The following PDE1C variants were observed in gnomAD, a reference collection of about 807,000 sequenced individuals.
PDE1C encodes phosphodiesterase 1C.
Under a neutral mutation model 93.1 loss-of-function variants are expected in PDE1C, and 62 were observed. The ratio of observed to expected loss-of-function variants is 0.67; its 90% CI spans 0.54 to 0.82. The LOEUF (loss-of-function observed/expected upper bound fraction) is 0.82, where lower values mean the gene tolerates loss of function less well. Among genes scored for constraint, PDE1C ranks in the 40% least tolerant of loss-of-function variants. PDE1C has a pLI of 0.00. For missense variants in PDE1C, 742 were observed against 884.6 expected, an observed-to-expected ratio of 0.84 and a Z score of 2.04; for synonymous variants, 325 against 310.1, an observed-to-expected ratio of 1.05 and a Z score of -0.50.
chr7:31,856,436 T>C (rs979324329), intron 7 of PDE1C, among the ~76,000 whole-genome samples: 3 of 152,202 alleles, frequency 2.0e-5, no homozygotes, highest in African/African-American at 7.2e-5. Context: ...ATGCAGTAAA[T>C]CATGATCACT....
At chr7:31,738,398 G>A in the PDE1C span, among the ~76,000 whole-genome samples, 1 of 152,196 alleles carries the variant, frequency 6.6e-6, no homozygotes, top group Non-Finnish European at 1.5e-5. Flanking sequence ...CGCTTGCGCA[G>A]GGGAACTACC....
At chr7:32,323,752 A>C (rs745755558) in intron 1 of PDE1C, among the ~76,000 whole-genome samples, 2 of 152,204 alleles carry the variant, frequency 1.3e-5, no homozygotes, top group African/African-American at 2.4e-5. Context: ...ACAATGCCCA[A>C]TTAGGACCTG....
chr7:32,210,334 G>GT (rs1421590588), intron 1 of PDE1C, among the ~76,000 whole-genome samples: 2 of 152,122 alleles, frequency 1.3e-5, no homozygotes, highest in East Asian at 3.9e-4. Flanking sequence ...ACAGACATGG[G>GT]TATTTGTGAT....
the PDE1C span, chr7:31,642,972 A>G: frequency 2.5e-6 from 4 of 1,614,058 alleles, no homozygotes; most frequent in Non-Finnish European, 2.5e-6. Flanking sequence ...GAGAATGCCC[A>G]AGGAAAGACA....
intron 16 of PDE1C, among the ~76,000 whole-genome samples, chr7:31,799,021 T>A (rs1785661111): frequency 6.6e-6 from 1 of 151,662 alleles, no homozygotes; most frequent in Non-Finnish European, 1.5e-5. Context: ...AACGTGAGTA[T>A]GATTCCTTGA....
At chr7:31,664,096 C>T in the PDE1C span, among the ~76,000 whole-genome samples, 1 of 152,124 alleles carries the variant, frequency 6.6e-6, no homozygotes. Flanking sequence ...GGTATGATCC[C>T]AGGTTTGTCT....
intron 1 of PDE1C, among the ~76,000 whole-genome samples, chr7:32,362,279 G>C (rs962202781): frequency 1.3e-5 from 2 of 152,092 alleles, no homozygotes; most frequent in Non-Finnish European, 2.9e-5. Context: ...GTATATAAGA[G>C]ACATGGGGGG....
intron 2 of PDE1C, among the ~76,000 whole-genome samples, chr7:31,923,451 A>C (rs1404136459): frequency 6.6e-6 from 1 of 152,200 alleles, no homozygotes; most frequent in Non-Finnish European, 1.5e-5. Context: ...GTATAGCCAG[A>C]GTTGAAAACC....
chr7:31,639,405 C>CATT, the PDE1C span, among the ~76,000 whole-genome samples: 124,390 of 151,794 alleles, frequency 0.82, 51,407 homozygotes, highest in African/African-American at 0.93. Flanking sequence ...TTACTGGAGA[C>CATT]GTTGTTTTCA....
chr7:31,782,337 A>G (rs917599527), intron 16 of PDE1C, among the ~76,000 whole-genome samples: 2 of 152,246 alleles, frequency 1.3e-5, no homozygotes, highest in African/African-American at 4.8e-5. Flanking sequence ...TAAGAAAATA[A>G]AGTATCTACA....
At chr7:32,162,731 A>G (rs1177518798) in intron 3 of PDE1C, among the ~76,000 whole-genome samples, 4 of 152,162 alleles carry the variant, frequency 2.6e-5, no homozygotes, top group Non-Finnish European at 5.9e-5. Flanking sequence ...AGCTTTGGCC[A>G]TCACAGGGAT....
chr7:32,081,934 C>A (rs939682112), intron 3 of PDE1C, among the ~76,000 whole-genome samples: 25 of 152,160 alleles, frequency 1.6e-4, no homozygotes, highest in Admixed American at 5.2e-4. Context: ...GAGTGAGCGA[C>A]GCAGAAGATG....
intron 1 of PDE1C, among the ~76,000 whole-genome samples, chr7:32,255,992 G>C (rs1809769332): frequency 1.3e-5 from 2 of 152,194 alleles, no homozygotes; most frequent in Non-Finnish European, 2.9e-5. Context: ...TGTGCAGGGG[G>C]AGCAGAGTAT....
At chr7:32,030,669 C>T (rs960998716) in intron 2 of PDE1C, among the ~76,000 whole-genome samples, 23 of 152,068 alleles carry the variant, frequency 1.5e-4, no homozygotes, top group African/African-American at 5.6e-4. Flanking sequence ...GGGCATAAAA[C>T]TTAGGAAGGA....
At chr7:31,964,032 G>C (rs536136191) in intron 2 of PDE1C, among the ~76,000 whole-genome samples, 1 of 152,204 alleles carries the variant, frequency 6.6e-6, no homozygotes, top group Admixed American at 6.5e-5. Context: ...CAGTGTGAGC[G>C]ATAAAGAAGA....
intron 1 of PDE1C, among the ~76,000 whole-genome samples, chr7:32,348,774 G>A (rs1474525949): frequency 1.3e-5 from 2 of 152,170 alleles, no homozygotes; most frequent in Non-Finnish European, 2.9e-5. Flanking sequence ...TCTTAAGCCA[G>A]TGACTCATTG....
the PDE1C span, chr7:31,652,796 T>C: frequency 6.2e-7 from 1 of 1,613,550 alleles, no homozygotes. Flanking sequence ...CAAATTGTCC[T>C]GTTGGAGAAA....
At chr7:31,868,703 CCAAA>C (rs1795585459) in intron 6 of PDE1C, among the ~76,000 whole-genome samples, 1 of 151,516 alleles carries the variant, frequency 6.6e-6, no homozygotes, top group Admixed American at 6.6e-5. Context: ...TCAAAGATTC[CCAAA>C]CAGATACAAT....
intron 3 of PDE1C, among the ~76,000 whole-genome samples, chr7:32,114,804 G>T (rs1475665921): frequency 7.3e-6 from 1 of 137,430 alleles, no homozygotes; most frequent in Non-Finnish European, 1.6e-5. Context: ...AGTGGGCAAA[G>T]AATATGAACA....
Sources: gnomAD v4.1 joint callset for allele counts (sites outside exome capture counted in the v4.1 genomes callset) on GRCh38, gnomAD v4.1.1 for gene constraint, MANE v1.5 for transcripts, NCBI Gene and HGNC (gene_info 2026-07-23, HGNC 2026-07-21) for gene names.